The following NFATC1 variants were observed in gnomAD, a reference collection of about 807,000 sequenced individuals.
NFATC1 encodes the protein nuclear factor of activated T cells 1.
In NFATC1, 22 loss-of-function variants were observed where a neutral mutation model predicts 76.0. The ratio of observed to expected loss-of-function variants is 0.29; its 90% CI spans 0.21 to 0.41. The LOEUF is 0.41. Ranked by LOEUF, NFATC1 falls within the 10% of genes least tolerant of loss-of-function variation. The pLI is 1.00. For missense variants in NFATC1, 1,357 were observed against 1,337.7 expected (o/e 1.01, Z -0.23); for synonymous variants, 704 against 613.1 (o/e 1.15, Z -2.19).
intron 1 of NFATC1, among the ~76,000 whole-genome samples, chr18:79,397,066 C>T (rs1322227959): frequency 6.6e-6 from 1 of 152,162 alleles, no homozygotes; most frequent in Admixed American, 6.5e-5. Context: ...AGTGTGGGTC[C>T]CTGAAACCCG....
chr18:79,517,915 G>GAAGAATA (rs1378095790), intron 9 of NFATC1, among the ~76,000 whole-genome samples: 7 of 152,224 alleles, frequency 4.6e-5, no homozygotes, highest in Non-Finnish European at 2.9e-5. Context: ...GTCTTCATCT[G>GAAGAATA]TGCTACTTAA....
At chr18:79,472,823 G>T (rs576676612) in intron 8 of NFATC1, among the ~76,000 whole-genome samples, 1 of 152,238 alleles carries the variant, frequency 6.6e-6, no homozygotes, top group African/African-American at 2.4e-5. Context: ...TGGCCTCGCG[G>T]CGCTCTGGGT....
chr18:79,522,785 C>T (rs1005661215), intron 9 of NFATC1, among the ~76,000 whole-genome samples: 10 of 152,100 alleles, frequency 6.6e-5, no homozygotes, highest in Non-Finnish European at 1.5e-4. Context: ...GGGAACCCTC[C>T]TGTCCCAGGG....
rs189920716 is a variant in NFATC1, at chr18:79,449,590, C to G, written c.1589+606C>G. On this transcript the variant is annotated intron_variant, in intron 4 of 9. Transcript: ENST00000427363. ...ATTGATGTGGTACTGTGGGGGGAACCGAAAACAGACACATCTGTGGGTGAA... is the reference window on the plus strand; with the variant it reads ...ATTGATGTGGTACTGTGGGGGGAACGGAAAACAGACACATCTGTGGGTGAA... Among the ~76,000 whole-genome samples, 1,082 of 152,288 alleles carry G rather than the reference C, an allele frequency of 7.1e-3. 23 individuals are homozygous for G. Among genetic ancestry groups the G allele is most frequent in the Non-Finnish European group, 5.4e-3 (368 of 68,036 alleles).
chr18:79,447,979 C>T (rs562614089), intron 3 of NFATC1, among the ~76,000 whole-genome samples: 5 of 152,318 alleles, frequency 3.3e-5, no homozygotes, highest in African/African-American at 9.6e-5. Context: ...TGCCGTGAGG[C>T]GCACACCTTC....
intron 9 of NFATC1, chr18:79,515,779 ACTTTAT>A (rs1418700304): frequency 2.0e-5 from 3 of 151,912 alleles, no homozygotes; most frequent in Non-Finnish European, 2.9e-5. Flanking sequence ...GGGTCCATTC[ACTTTAT>A]CTTTATTAAA....
At chr18:79,455,765 C>CGGCCGCCCCATCCCAT (rs2087686070) in intron 6 of NFATC1, among the ~76,000 whole-genome samples, 1 of 10,864 alleles carries the variant, frequency 9.2e-5, no homozygotes, top group African/African-American at 3.1e-4. Context: ...CCCCATCCCA[C>CGGCCGCCCCATCCCAT]GGCCGCCCCA....
At chr18:79,517,520 G>A (rs1410175117) in intron 9 of NFATC1, among the ~76,000 whole-genome samples, 2 of 152,216 alleles carry the variant, frequency 1.3e-5, no homozygotes, top group Non-Finnish European at 2.9e-5. Flanking sequence ...GAGGCGGATG[G>A]GGACGCTGCG....
intron 9 of NFATC1, among the ~76,000 whole-genome samples, chr18:79,518,581 A>G (rs895215976): frequency 2.0e-5 from 3 of 152,224 alleles, no homozygotes; most frequent in African/African-American, 7.2e-5. Flanking sequence ...GTTCAGCCAT[A>G]TAGAAAACAG....
intron 9 of NFATC1, among the ~76,000 whole-genome samples, chr18:79,520,568 C>T (rs1315734220): frequency 2.5e-5 from 3 of 120,694 alleles, no homozygotes; most frequent in African/African-American, 6.6e-5. Context: ...AATGTGTGTC[C>T]GTGTGTGTGG....
chr18:79,515,338 CAA>C lies in NFATC1; in HGVS notation c.2783-12171_2783-12170del, dbSNP rs75194540. On this transcript the variant is annotated intron_variant, in intron 9 of 9. Coordinates refer to ENST00000427363, the MANE Select transcript of NFATC1 (RefSeq NM_001278669.2). ...TGGGTGACAGAGCAAGACTCCATCT[CAA>C]AAAAAAAAAAAAAAAAAAGAAGGAA... is the stretch of plus-strand genomic sequence containing the variant. Among the ~76,000 whole-genome samples the C allele has an allele frequency of 6.7e-3, 427 of 63,460 alleles. 1 individual carries two copies. The highest frequency in any genetic ancestry group is 0.019 in the African/African-American group (391 of 20,132). 41.6% of individuals were successfully genotyped at this position (63,460 alleles called of 152,430 possible). A position where few individuals can be genotyped will look rare whatever the true frequency, so the allele number is the denominator to read the frequency against.
intron 2 of NFATC1, among the ~76,000 whole-genome samples, chr18:79,412,871 A>C (rs1423795779): frequency 6.6e-6 from 1 of 152,176 alleles, no homozygotes; most frequent in East Asian, 1.9e-4. Flanking sequence ...GGGCGCATTT[A>C]CCTTTCTATC....
At chr18:79,515,396 T>G (rs1170011526) in intron 9 of NFATC1, among the ~76,000 whole-genome samples, 1 of 149,188 alleles carries the variant, frequency 6.7e-6, no homozygotes, top group Non-Finnish European at 1.5e-5. Flanking sequence ...GGAGTGGTGG[T>G]CTCCAGCCAC....
chr18:79,513,357 C>T (rs2090305572), intron 9 of NFATC1, among the ~76,000 whole-genome samples: 1 of 152,190 alleles, frequency 6.6e-6, no homozygotes, highest in Non-Finnish European at 1.5e-5. Flanking sequence ...ACGGCTTTCT[C>T]AAGGACCAGG....
chr18:79,526,026 A>C (rs948432232), intron 9 of NFATC1, among the ~76,000 whole-genome samples: 4 of 152,218 alleles, frequency 2.6e-5, no homozygotes, highest in African/African-American at 9.6e-5. Flanking sequence ...CTGAGCAACC[A>C]GCAGCCTAGG....
rs774729356 is a variant in NFATC1 at position 79,410,060 on chromosome 18, TG to T, written c.128-339del. Reference sequence around the variant, plus strand: ...TCTGGGAAGGACGTTCGGATGAAGATGGGGTGGTTGGGGAAGGTGGTTTTTG... The same window carrying T: ...TCTGGGAAGGACGTTCGGATGAAGATGGGTGGTTGGGGAAGGTGGTTTTTG... On this transcript the variant is annotated intron_variant, in intron 1 of 9. Coordinates refer to ENST00000427363, the MANE Select transcript of NFATC1 (RefSeq NM_001278669.2). The surrounding 1 kb of genome is among the most constrained non-coding windows in gnomAD (Gnocchi z 6.7). 4.7e-6 allele frequency: 3 copies of T among 637,654 alleles called. No homozygotes were observed. Among genetic ancestry groups the T allele is most frequent in the Non-Finnish European group, 8.9e-6 (3 of 336,458 alleles). The allele number at this position is 637,654 out of a possible 1,614,324, so 39.5% of individuals were successfully genotyped here.
intron 8 of NFATC1, among the ~76,000 whole-genome samples, chr18:79,484,825 T>C (rs1281999097): frequency 6.6e-6 from 1 of 152,138 alleles, no homozygotes; most frequent in East Asian, 1.9e-4. Context: ...CGCGCCTGCC[T>C]TCACGACCGC....
chr18:79,491,625 C>T (rs1326656859), intron 9 of NFATC1, among the ~76,000 whole-genome samples: 5 of 152,340 alleles, frequency 3.3e-5, no homozygotes, highest in Non-Finnish European at 7.4e-5. Context: ...GACAGAAGCC[C>T]TGCCGGGTCC....
chr18:79,510,697 T>C (rs1451849068), intron 9 of NFATC1, among the ~76,000 whole-genome samples: 1 of 152,038 alleles, frequency 6.6e-6, no homozygotes, highest in African/African-American at 2.4e-5. Context: ...TTGGGAGCGG[T>C]CGGTTGATAG....
Sources: allele counts gnomAD v4.1 joint callset (sites outside exome capture counted in the v4.1 genomes callset), GRCh38; gene constraint gnomAD v4.1.1; non-coding constraint Gnocchi (gnomAD v3.1); transcripts MANE v1.5; gene names NCBI Gene and HGNC (gene_info 2026-07-23, HGNC 2026-07-21).